DNAH5: variants seen among roughly 807,000 people sequenced by gnomAD.
DNAH5 encodes axonemal beta dynein heavy chain 5.
Under a neutral mutation model 518.2 loss-of-function variants are expected in DNAH5, and 372 were observed. That is an observed-to-expected ratio of 0.72 (90% CI 0.66 to 0.78). The LOEUF (loss-of-function observed/expected upper bound fraction) is 0.78. Ranked by LOEUF, DNAH5 falls within the 30% of genes least tolerant of loss-of-function variation. The pLI, the probability that DNAH5 is intolerant of heterozygous loss-of-function variation, is 0.00. For synonymous variants in DNAH5, 2,039 were observed against 2,025.9 expected, an observed-to-expected ratio of 1.01 and a Z score of -0.17; for missense variants, 5,523 against 5,687.0, an observed-to-expected ratio of 0.97 and a Z score of 0.93.
chr5:13,730,191 C>A (rs571985856), intron 68 of DNAH5, among the ~76,000 whole-genome samples: 1 of 152,166 alleles, frequency 6.6e-6, no homozygotes, highest in Non-Finnish European at 1.5e-5. Flanking sequence ...TGACCCTTAT[C>A]TTTTTACTGA....
At chr5:13,981,711 A>C (rs955020417) in intron 1 of DNAH5, among the ~76,000 whole-genome samples, 1 of 152,354 alleles carries the variant, frequency 6.6e-6, no homozygotes, top group South Asian at 2.1e-4. Context: ...CAGCTTTATC[A>C]GTAATAACAG....
In DNAH5 at chr5:13,864,483, C is replaced by T. The variant is rs143567667; in HGVS notation, c.4510G>A (p.Gly1504Arg). 1.1e-5 allele frequency: 17 copies of T among 1,614,124 alleles called. No homozygotes were observed. Among genetic ancestry groups the T allele is most frequent in the African/African-American group, 2.7e-5 (2 of 75,040 alleles). ...TCATTCCCCACATCCAGACTGTGCCCGGTGAGGGTGGTTATCCTTTCCCAG... is the reference window on the plus strand; with the variant it reads ...TCATTCCCCACATCCAGACTGTGCCTGGTGAGGGTGGTTATCCTTTCCCAG... ...RHWERITTLT[G>R]HSLDVGNESF... The change falls in exon 28 of 79, where the codon GGG becomes AGG. Residue 1504 changes from glycine to arginine, a missense_variant. Coordinates refer to ENST00000265104, the MANE Select transcript of DNAH5 (RefSeq NM_001369.3).
At chr5:13,899,154 C>T (rs891285631) in intron 15 of DNAH5, 6 of 152,388 alleles carry the variant, frequency 3.9e-5, no homozygotes, top group African/African-American at 1.4e-4. Context: ...TGGTCTCGAA[C>T]TCCTGACCTC....
Position 13,876,680 on chromosome 5 carries a change from A to C in DNAH5, c.3396+4T>G. ...GGTCCGGCTGCCAGACCCTCTTGAC[A>C]TACCTTTTTGGTGGAGTTGATAATT... On this transcript the variant is annotated splice_donor_region_variant and intron_variant, in intron 22 of 78. Coordinates refer to ENST00000265104, the MANE Select transcript of DNAH5 (RefSeq NM_001369.3). 6.2e-7 allele frequency: 1 copy of C among 1,613,342 alleles called. No homozygotes were observed. Among genetic ancestry groups the C allele is most frequent in the South Asian group, 1.1e-5 (1 of 90,930 alleles).
intron 51 of DNAH5, 70 bp downstream of exon 51, chr5:13,788,646 T>C: frequency 7.6e-7 from 1 of 1,309,460 alleles, no homozygotes; most frequent in Non-Finnish European, 1.1e-6. Flanking sequence ...ATAAACTGAA[T>C]CTTCTGTCTT....
intron 60 of DNAH5, 126 bp from the exon 61 acceptor site, chr5:13,759,109 T>C: frequency 7.8e-7 from 1 of 1,284,586 alleles, no homozygotes; most frequent in South Asian, 1.2e-5. Context: ...TCCAGAATCC[T>C]TTCAAATCAC....
At chr5:13,836,990 C>T (rs1764479968) in intron 35 of DNAH5, among the ~76,000 whole-genome samples, 1 of 152,142 alleles carries the variant, frequency 6.6e-6, no homozygotes, top group African/African-American at 2.4e-5. Context: ...CTGGAACAGC[C>T]CTGAGCTGAC....
At chr5:13,864,694 A>C in intron 27 of DNAH5, 57 bp from the exon 28 acceptor site, 1 of 1,588,748 alleles carries the variant, frequency 6.3e-7, no homozygotes, top group South Asian at 1.1e-5. Context: ...ACATCACTGG[A>C]CCAAGACGGT....
chr5:13,793,764 C>G (rs752348435), intron 48 of DNAH5, 36 bp from the exon 49 acceptor site: 1 of 1,600,890 alleles, frequency 6.2e-7, no homozygotes, highest in South Asian at 1.1e-5. Context: ...AAGCATCATT[C>G]CTTTCTATCC....
chr5:13,920,368 G>C, intron 6 of DNAH5, 112 bp downstream of exon 6: 2 of 1,432,400 alleles, frequency 1.4e-6, no homozygotes, highest in Admixed American at 1.7e-5. Context: ...CCTCCTCAAG[G>C]ATTTACAGTA....
chr5:13,763,513 A>G (rs1297854683), intron 59 of DNAH5, among the ~76,000 whole-genome samples: 1 of 152,242 alleles, frequency 6.6e-6, no homozygotes, highest in Non-Finnish European at 1.5e-5. Context: ...AAATAGTAGC[A>G]GAAATGAATT....
At chr5:13,695,779 T>TGCC (rs1741291390) in intron 78 of DNAH5, among the ~76,000 whole-genome samples, 1 of 152,134 alleles carries the variant, frequency 6.6e-6, no homozygotes, top group Non-Finnish European at 1.5e-5. Flanking sequence ...GATAGAGATG[T>TGCC]TATTCGACAC....
intron 44 of DNAH5, 144 bp downstream of exon 44, chr5:13,811,503 C>G (rs756931531): frequency 2.7e-6 from 2 of 744,310 alleles, no homozygotes; most frequent in Non-Finnish European, 4.4e-6. Flanking sequence ...TTCCCCCTCC[C>G]CAACAGCTCT....
At chr5:13,854,982 A>G (rs1163838947) in intron 30 of DNAH5, among the ~76,000 whole-genome samples, 1 of 152,174 alleles carries the variant, frequency 6.6e-6, no homozygotes, top group Non-Finnish European at 1.5e-5. Context: ...CACATAACCT[A>G]AAAATTTTCA....
At chr5:13,755,738 C>G (rs1252802929) in intron 61 of DNAH5, among the ~76,000 whole-genome samples, 1 of 152,096 alleles carries the variant, frequency 6.6e-6, no homozygotes. Context: ...AAGGTGCCAG[C>G]TGGGAAGGAC....
intron 1 of DNAH5, among the ~76,000 whole-genome samples, chr5:14,008,116 G>A (rs886666721): frequency 2.0e-5 from 3 of 151,006 alleles, no homozygotes; most frequent in African/African-American, 7.3e-5. Context: ...AGGTTGCAGT[G>A]AGCCGAGATC....
intron 74 of DNAH5, among the ~76,000 whole-genome samples, chr5:13,715,382 A>T (rs1744153499): frequency 6.6e-6 from 1 of 152,190 alleles, no homozygotes; most frequent in Non-Finnish European, 1.5e-5. Context: ...GATGGGGTAT[A>T]TATAAAAATA....
intron 76 of DNAH5, among the ~76,000 whole-genome samples, chr5:13,702,960 C>G (rs13186236): frequency 0.49 from 73,665 of 151,774 alleles, 18,427 homozygotes; most frequent in Non-Finnish European, 0.54. Flanking sequence ...AGGCTGCCCT[C>G]TCTGTGCAGC....
At chr5:13,848,560 G>A (rs569829822) in intron 31 of DNAH5, among the ~76,000 whole-genome samples, 4 of 152,188 alleles carry the variant, frequency 2.6e-5, no homozygotes, top group African/African-American at 4.8e-5. Context: ...TCACCATAAC[G>A]TAGAATCAGT....
Sources: gnomAD v4.1 joint callset for allele counts (sites outside exome capture counted in the v4.1 genomes callset) on GRCh38, gnomAD v4.1.1 for gene constraint, MANE v1.5 for transcripts, NCBI Gene and HGNC (gene_info 2026-07-23, HGNC 2026-07-21) for gene names.